Variants in MCM8 observed in about 807,000 individuals in gnomAD.
MCM8 encodes DNA helicase MCM8.
In MCM8, 85 loss-of-function variants were observed where a neutral mutation model predicts 98.9. That is an observed-to-expected ratio of 0.86 (90% CI 0.72 to 1.03). The LOEUF is 1.03. Among genes scored for constraint, MCM8 ranks in the 50% least tolerant of loss-of-function variants. The pLI is 0.00. For synonymous variants in MCM8, 352 were observed against 338.6 expected, an observed-to-expected ratio of 1.04 and a Z score of -0.44; for missense variants, 951 against 997.8, an observed-to-expected ratio of 0.95 and a Z score of 0.63.
chr20:5,977,926 G>A lies in MCM8; in HGVS notation c.1446G>A (p.Thr482=), dbSNP rs2089547965. 15 of 1,614,152 alleles carry A rather than the reference G, an allele frequency of 9.3e-6. No homozygotes were observed. The highest frequency in any genetic ancestry group is 2.2e-5 in the East Asian group (1 of 44,882). Residue 482 remains threonine, a synonymous_variant, in exon 13 of 19, where the codon ACG becomes ACA. Coordinates refer to ENST00000610722, the MANE Select transcript of MCM8 (RefSeq NM_032485.6). ...GCGTGTATGTTTGTGGTAACACCAC[G>A]ACCACCTCTGGTCTGACGGTAACTC... ...PRGVYVCGNT[T]TTSGLTVTLS...
intron 17 of MCM8, among the ~76,000 whole-genome samples, chr20:5,988,043 A>G (rs967564757): frequency 3.3e-5 from 5 of 152,198 alleles, no homozygotes; most frequent in African/African-American, 9.7e-5. Flanking sequence ...AGTTGAGCAT[A>G]TATGTTTACC....
At chr20:5,964,207 C>T (rs2089224591) in intron 8 of MCM8, among the ~76,000 whole-genome samples, 1 of 145,812 alleles carries the variant, frequency 6.9e-6, no homozygotes, top group Non-Finnish European at 1.5e-5. Context: ...AGCTGTAGAT[C>T]TATAGCTCAT....
At chr20:5,980,045 T>C (rs236106) in intron 13 of MCM8, among the ~76,000 whole-genome samples, 56,896 of 152,060 alleles carry the variant, frequency 0.37, 15,248 homozygotes, top group African/African-American at 0.76. Flanking sequence ...CTTACTGTTC[T>C]GTTTGCCTGG....
chr20:5,959,063 A>G (rs2089065609), intron 7 of MCM8, among the ~76,000 whole-genome samples: 1 of 152,040 alleles, frequency 6.6e-6, no homozygotes. Flanking sequence ...CCTTCCATTC[A>G]TATTTCTGTT....
chr20:5,957,598 G>A lies in MCM8; in HGVS notation c.590+369G>A, dbSNP rs1010636519. On this transcript the variant is annotated intron_variant, in intron 6 of 18. Coordinates refer to ENST00000610722, the MANE Select transcript of MCM8 (RefSeq NM_032485.6). ...AATTCAAAACTTTGAGCCCTGACAC[G>A]ACACTGAAAGGAAATGTTCATTGGA... Among the ~76,000 whole-genome samples, 9 of 152,108 alleles carry A rather than the reference G, an allele frequency of 5.9e-5. No individual in the cohort carries two copies. In the East Asian group the frequency reaches 1.2e-3, roughly 20 times the overall value.
At chr20:5,959,488 A>G (rs960124901) in intron 7 of MCM8, among the ~76,000 whole-genome samples, 1 of 152,084 alleles carries the variant, frequency 6.6e-6, no homozygotes, top group African/African-American at 2.4e-5. Flanking sequence ...GTTATTTTGT[A>G]GTTCTACCTA....
chr20:5,980,918 A>T lies in MCM8; in HGVS notation c.1538-2052A>T, dbSNP rs189675420. On this transcript the variant is annotated intron_variant, in intron 13 of 18. Transcript: ENST00000610722. ...GTTCAAAGTTTATGTTTTATGCTTT[A>T]AAACAAGGGGTCATTAAACTTTGGT... Among the ~76,000 whole-genome samples, 8 of 152,150 alleles carry T rather than the reference A, an allele frequency of 5.3e-5. No individual in the cohort carries two copies. In the East Asian group the frequency reaches 1.5e-3, roughly 29 times the overall value.
chr20:5,974,673 A>T (rs1461515815), intron 12 of MCM8, among the ~76,000 whole-genome samples: 3 of 152,224 alleles, frequency 2.0e-5, no homozygotes, highest in Non-Finnish European at 4.4e-5. Context: ...ACAACAGTCC[A>T]CAGATGATTC....
At chr20:5,974,773 TG>T (rs2089473966) in intron 12 of MCM8, among the ~76,000 whole-genome samples, 1 of 152,230 alleles carries the variant, frequency 6.6e-6, no homozygotes, top group South Asian at 2.1e-4. Flanking sequence ...CTTTATTGCC[TG>T]TGGTTGAGTG....
In MCM8 at chr20:5,976,120, C is replaced by T. The variant is rs568060460; in HGVS notation, c.1396-1756C>T. On this transcript the variant is annotated intron_variant, in intron 12 of 18. Coordinates refer to ENST00000610722, the MANE Select transcript of MCM8 (RefSeq NM_032485.6). ...CAAGCTGGACAATATAGTGAGATCC[C>T]ATCTCTAAAAACAATTTTAAAAAAA... Among the ~76,000 whole-genome samples the T allele has an allele frequency of 7.9e-5, 12 of 152,226 alleles. 1 individual carries two copies. The highest frequency in any genetic ancestry group is 4.1e-4 in the South Asian group (2 of 4,820).
chr20:5,969,664 A>G (rs1350943702), intron 10 of MCM8, among the ~76,000 whole-genome samples: 1 of 151,662 alleles, frequency 6.6e-6, no homozygotes, highest in East Asian at 1.9e-4. Flanking sequence ...AGAGGATTTG[A>G]TGCTTTTTCT....
At chr20:5,978,619 A>C (rs113129043) in intron 13 of MCM8, among the ~76,000 whole-genome samples, 3,581 of 152,288 alleles carry the variant, frequency 0.024, 131 homozygotes, top group African/African-American at 0.077. Context: ...GCTGGAGTGC[A>C]GTGGTGCAGT....
intron 11 of MCM8, 107 bp downstream of exon 11, chr20:5,972,144 T>C (rs907657911): frequency 1.4e-6 from 1 of 738,482 alleles, no homozygotes; most frequent in Admixed American, 2.5e-5. Context: ...GTTATTTATA[T>C]CTTAATATGC....
intron 13 of MCM8, among the ~76,000 whole-genome samples, chr20:5,980,359 T>G (rs2089604715): frequency 6.6e-6 from 1 of 152,204 alleles, no homozygotes; most frequent in African/African-American, 2.4e-5. Context: ...TCGGCATTCC[T>G]AGAACATAGT....
chr20:5,977,426 A>C (rs1017578574), intron 12 of MCM8, among the ~76,000 whole-genome samples: 10 of 152,238 alleles, frequency 6.6e-5, no homozygotes, highest in African/African-American at 2.4e-4. Flanking sequence ...TGTGCTGTTT[A>C]CTTTTCTGGC....
Position 5,984,992 on chromosome 20 carries a change from A to G in MCM8, c.1945A>G (p.Arg649Gly), listed in dbSNP as rs770361091. The G allele has an allele frequency of 1.2e-6, 2 of 1,612,532 alleles. No individual in the cohort carries two copies. Among genetic ancestry groups the G allele is most frequent in the African/African-American group, 1.3e-5 (1 of 75,026 alleles). The change falls in exon 15 of 19, where the codon AGA becomes GGA. Residue 649 changes from arginine to glycine, a missense_variant. Transcript: ENST00000610722. ...EVVSEKPLSERLKVVPGETID... is the reference protein window; with the variant it reads ...EVVSEKPLSEGLKVVPGETID... ...AGTTTCTGAGAAGCCATTATCAGAA[A>G]GACTAAAGGTATAAATGTTTCTTCT...
At chr20:5,993,430 T>G in intron 17 of MCM8, 76 bp from the exon 18 acceptor site, 3 of 1,260,932 alleles carry the variant, frequency 2.4e-6, no homozygotes, top group Non-Finnish European at 3.2e-6. Context: ...ATTTTTCTTC[T>G]GTAACCTGAA....
Position 5,952,420 on chromosome 20 carries a change from T to G in MCM8, c.149-4T>G, listed in dbSNP as rs1467096809. 1 of 1,612,996 alleles carries G rather than the reference T, an allele frequency of 6.2e-7. No homozygotes were observed. Among genetic ancestry groups the G allele is most frequent in the East Asian group, 2.2e-5 (1 of 44,832 alleles). On this transcript the variant is annotated splice_region_variant and splice_polypyrimidine_tract_variant and intron_variant, in intron 2 of 18. Transcript: ENST00000610722. ...CTACTAACCTAGTATTTTATTTTTT[T>G]CAGAACAAACCCCACAGTTTTTGCT...
chr20:5,968,680 A>G (rs2089333694), intron 10 of MCM8, among the ~76,000 whole-genome samples: 1 of 152,248 alleles, frequency 6.6e-6, no homozygotes, highest in African/African-American at 2.4e-5. Flanking sequence ...GAGAACATAT[A>G]TATGGCTCAC....
Sources: allele counts gnomAD v4.1 joint callset (sites outside exome capture counted in the v4.1 genomes callset), GRCh38; gene constraint gnomAD v4.1.1; transcripts MANE v1.5; gene names NCBI Gene and HGNC (gene_info 2026-07-23, HGNC 2026-07-21).